The following TRIO variants were observed in gnomAD, a reference collection of about 807,000 sequenced individuals.
TRIO encodes triple functional domain protein.
A neutral mutation model predicts 351.9 loss-of-function variants in TRIO; 58 were observed. The observed-to-expected ratio is 0.16, with a 90% CI of 0.13 to 0.21. TRIO has a LOEUF of 0.21. Ranked by LOEUF, TRIO falls within the 10% of genes least tolerant of loss-of-function variation. The pLI, the probability that TRIO is intolerant of heterozygous loss-of-function variation, is 1.00. For missense variants in TRIO, 3,201 were observed against 4,027.8 expected (o/e 0.79, Z 5.56); for synonymous variants, 1,758 against 1,595.7 (o/e 1.10, Z -2.42).
chr5:14,482,847 A>G (rs1243207829), intron 46 of TRIO, 74 bp downstream of exon 46: 1 of 1,306,734 alleles, frequency 7.7e-7, no homozygotes, highest in Admixed American at 2.6e-5. Flanking sequence ...TTTCCTTTTA[A>G]TGATGACATA....
intron 26 of TRIO, 82 bp from the exon 27 acceptor site, chr5:14,390,819 T>C: frequency 2.5e-6 from 3 of 1,179,118 alleles, no homozygotes; most frequent in Non-Finnish European, 3.5e-6. Flanking sequence ...CCGTTATCCA[T>C]ACTGCTTCTT....
chr5:14,470,605 C>G (rs918935983), intron 37 of TRIO, among the ~76,000 whole-genome samples: 1 of 152,166 alleles, frequency 6.6e-6, no homozygotes, highest in Non-Finnish European at 1.5e-5. Context: ...TGAACACTTG[C>G]AAAGATTTGC....
intron 7 of TRIO, among the ~76,000 whole-genome samples, chr5:14,303,126 C>T (rs938686701): frequency 6.9e-6 from 1 of 145,832 alleles, no homozygotes; most frequent in Non-Finnish European, 1.5e-5. Context: ...GTTGATGATC[C>T]TGGAGATGGG....
intron 34 of TRIO, 195 bp downstream of exon 34, chr5:14,420,216 C>G: frequency 2.6e-6 from 2 of 783,884 alleles, no homozygotes; most frequent in East Asian, 2.8e-5. Context: ...ACCCACGACT[C>G]AGAAATAATG....
At position 14,485,125 on chromosome 5, in the gene TRIO, G is replaced by C; in HGVS notation, c.6714G>C (p.Leu2238=). 1 of 1,585,620 alleles carries C rather than the reference G, an allele frequency of 6.3e-7. No homozygotes were observed. The highest frequency in any genetic ancestry group is 8.6e-7 in the Non-Finnish European group (1 of 1,158,914). Residue 2238 remains leucine, a synonymous_variant, in exon 47 of 57, where the codon CTG becomes CTC. Transcript: ENST00000344204. Reference sequence around the variant, plus strand: ...AAAATGATCCCTGTAAATTTGCTCTGACATCGAGGACGGGTGACGTGGTAG... The same window carrying C: ...AAAATGATCCCTGTAAATTTGCTCTCACATCGAGGACGGGTGACGTGGTAG... ...NVENDPCKFA[L]TSRTGDVVET... is the part of the protein sequence containing the mutation.
chr5:14,246,014 G>A (rs189321140), intron 1 of TRIO, among the ~76,000 whole-genome samples: 52 of 152,246 alleles, frequency 3.4e-4, no homozygotes, highest in African/African-American at 1.2e-3. Flanking sequence ...AGTAACTCCC[G>A]GTTAACGATA....
chr5:14,184,533 C>T (rs1789988937), intron 1 of TRIO, among the ~76,000 whole-genome samples: 1 of 152,238 alleles, frequency 6.6e-6, no homozygotes, highest in South Asian at 2.1e-4. Context: ...ATATTAGCCT[C>T]TAGTGTAATT....
intron 1 of TRIO, among the ~76,000 whole-genome samples, chr5:14,236,138 T>C (rs1449977103): frequency 6.6e-6 from 1 of 152,200 alleles, no homozygotes. Context: ...CCTGGAATTG[T>C]GGTTTGGCCT....
chr5:14,481,514 T>A lies in TRIO; in HGVS notation c.6388-27T>A, dbSNP rs762041914. On this transcript the variant is annotated intron_variant, in intron 44 of 56. Transcript: ENST00000344204. ...GATTTTCCCTAGAGGAACTTGAGCT[T>A]TCACTCTTCTCTCTCCCCTCCCACA... The A allele has an allele frequency of 3.7e-6, 6 of 1,613,166 alleles. No homozygotes were observed. In the Admixed American group the frequency reaches 1.0e-4, roughly 27 times the overall value.
At chr5:14,175,816 A>G (rs1293896971) in intron 1 of TRIO, among the ~76,000 whole-genome samples, 1 of 152,252 alleles carries the variant, frequency 6.6e-6, no homozygotes, top group Non-Finnish European at 1.5e-5. Flanking sequence ...ATGAAAATAG[A>G]CGGGATACCT....
chr5:14,358,730 G>A (rs540112745), intron 12 of TRIO, among the ~76,000 whole-genome samples: 9 of 152,248 alleles, frequency 5.9e-5, no homozygotes, highest in African/African-American at 1.7e-4. Flanking sequence ...ACCTCCCAAC[G>A]TCCAGATTCA....
At chr5:14,297,532 G>C (rs997049142) in intron 7 of TRIO, 3 of 352,528 alleles carry the variant, frequency 8.5e-6, no homozygotes, top group African/African-American at 6.1e-5. Flanking sequence ...ATGTAAATGT[G>C]ATGCTAGGTG....
intron 1 of TRIO, among the ~76,000 whole-genome samples, chr5:14,181,172 T>TAA (rs33999434): frequency 2.0e-3 from 291 of 148,316 alleles, no homozygotes; most frequent in East Asian, 0.016. Flanking sequence ...ACTGCAGACT[T>TAA]AAAAAAAAAA....
At chr5:14,398,395 A>G (rs756426794) in intron 29 of TRIO, among the ~76,000 whole-genome samples, 27 of 152,238 alleles carry the variant, frequency 1.8e-4, no homozygotes, top group South Asian at 4.1e-4. Flanking sequence ...AGACCAGGAC[A>G]GGTCCTTGAA....
chr5:14,183,795 C>T (rs542237547), intron 1 of TRIO: 5 of 594,322 alleles, frequency 8.4e-6, no homozygotes, highest in Non-Finnish European at 1.2e-5. Flanking sequence ...CTCCTCACTG[C>T]CCATTTGGGA....
chr5:14,462,868 G>A lies in TRIO; in HGVS notation c.5610G>A (p.Pro1870=), dbSNP rs138509776. The change falls in exon 36 of 57, where the codon CCG becomes CCA. Residue 1870 remains proline, a synonymous_variant. Transcript: ENST00000344204. ...AGGGGGCCGACGCCGTGCCCCTGCC[G>A]CCACCCATGGCCATCCAGCAGCACA... is the stretch of plus-strand genomic sequence containing the variant. The part of the protein sequence containing the change: ...GEEGADAVPL[P]PPMAIQQHSL... 15 of 1,611,648 alleles carry A rather than the reference G, an allele frequency of 9.3e-6. No homozygotes were observed. The African/African-American group carries it at 1.2e-4, about 13-fold the overall frequency.
chr5:14,464,613 A>G (rs752737954), intron 36 of TRIO, among the ~76,000 whole-genome samples: 2 of 152,082 alleles, frequency 1.3e-5, no homozygotes, highest in Non-Finnish European at 2.9e-5. Context: ...ATGTCATTAG[A>G]CCAAACCAAC....
At chr5:14,306,755 A>G (rs1738410318) in intron 8 of TRIO, among the ~76,000 whole-genome samples, 1 of 152,186 alleles carries the variant, frequency 6.6e-6, no homozygotes, top group South Asian at 2.1e-4. Context: ...CCTCCAGCCA[A>G]GCTGGCTCTT....
In TRIO at chr5:14,271,438, G is replaced by C. The variant is rs140630718; in HGVS notation, c.232+539G>C. Among the ~76,000 whole-genome samples, 788 of 152,252 alleles carry C rather than the reference G, an allele frequency of 5.2e-3. 10 individuals are homozygous for C. The highest frequency in any genetic ancestry group is 0.018 in the African/African-American group (759 of 41,530). ...TACCAGCTGAGTCTGTTTCCCTGTA[G>C]ACCCAGTCTTTGAGGCCCTGGCCCG... On this transcript the variant is annotated intron_variant, in intron 2 of 56. Coordinates refer to ENST00000344204, the MANE Select transcript of TRIO (RefSeq NM_007118.4).
Sources: allele counts gnomAD v4.1 joint callset (sites outside exome capture counted in the v4.1 genomes callset), GRCh38; gene constraint gnomAD v4.1.1; transcripts MANE v1.5; gene names NCBI Gene and HGNC (gene_info 2026-07-23, HGNC 2026-07-21).